Variants in SYN1 observed in about 807,000 individuals in gnomAD.
SYN1 encodes synapsin-1.
In SYN1, 8 loss-of-function variants were observed where a neutral mutation model predicts 44.6. The ratio of observed to expected loss-of-function variants is 0.18; its 90% CI spans 0.11 to 0.32. The LOEUF is 0.32. Among genes scored for constraint, SYN1 ranks in the 10% least tolerant of loss-of-function variants. SYN1 has a pLI of 1.00. For synonymous variants in SYN1, 275 were observed against 280.1 expected, an observed-to-expected ratio of 0.98 and a Z score of 0.18; for missense variants, 451 against 639.4, an observed-to-expected ratio of 0.71 and a Z score of 3.18.
At chrX:47,615,021 A>G (rs2057927440) in intron 1 of SYN1, among the ~76,000 whole-genome samples, 1 of 110,829 alleles carries the variant, frequency 9.0e-6, no homozygotes, top group Non-Finnish European at 1.9e-5. Flanking sequence ...TCTGCATGCA[A>G]ATCTCAGAGT....
chrX:47,584,209 A>G (rs1209767476), intron 5 of SYN1, among the ~76,000 whole-genome samples: 1 of 110,904 alleles, frequency 9.0e-6, no homozygotes, highest in Non-Finnish European at 1.9e-5. Context: ...ATGATCAGGT[A>G]TTGAGGATGA....
At chrX:47,609,895 C>T (rs763034066) in intron 1 of SYN1, among the ~76,000 whole-genome samples, 7 of 111,276 alleles carry the variant, frequency 6.3e-5, no homozygotes, top group East Asian at 2.8e-4. Context: ...TTTGGAGTAG[C>T]GGTGACTTTT....
At chrX:47,618,908 A>G (rs1452248650) in intron 1 of SYN1, among the ~76,000 whole-genome samples, 1 of 111,684 alleles carries the variant, frequency 9.0e-6, no homozygotes, top group African/African-American at 3.3e-5. Context: ...CTCTCAAAGA[A>G]TGCTCACAAA....
chrX:47,575,689 A>G lies in SYN1; in HGVS notation c.1159-415T>C, dbSNP rs751468585. ...ACATATCGTCTATGGCTGCTTTTGC[A>G]GAGTTGAGTAGTTACGGCAGAGGCT... On this transcript the variant is annotated intron_variant, in intron 9 of 12. Coordinates refer to ENST00000295987, the MANE Select transcript of SYN1 (RefSeq NM_006950.3). Among the ~76,000 whole-genome samples, 5 of 112,325 alleles carry G rather than the reference A, an allele frequency of 4.5e-5. No individual in the cohort carries two copies. The East Asian group carries it at 1.4e-3, about 31-fold the overall frequency.
Position 47,572,753 on chromosome X carries a change from G to A in SYN1, c.*111C>T, listed in dbSNP as rs142521876. ...CTTGAGGAATGAGAGGTGGAATCTT[G>A]GAGAACCGGGAGATGGGTTCTCAAG... On this transcript the variant is annotated 3_prime_UTR_variant, in exon 13 of 13. Transcript: ENST00000295987. 2.5e-3 allele frequency: 2,705 copies of A among 1,080,287 alleles called. 11 individuals are homozygous for A. Among genetic ancestry groups the A allele is most frequent in the Non-Finnish European group, 3.1e-3 (2,465 of 786,280 alleles). The allele number at this position is 1,080,287 out of a possible 1,213,427, so 89.0% of individuals were successfully genotyped here.
intron 5 of SYN1, among the ~76,000 whole-genome samples, chrX:47,581,829 G>C (rs948757704): frequency 9.0e-6 from 1 of 111,527 alleles, no homozygotes; most frequent in African/African-American, 3.3e-5. Context: ...GGCCACCTGA[G>C]TTCCAGTCTC....
intron 2 of SYN1, 50 bp downstream of exon 2, chrX:47,607,091 C>G: frequency 5.8e-6 from 7 of 1,205,810 alleles, no homozygotes; most frequent in Non-Finnish European, 7.9e-6. Context: ...AATGGCCACT[C>G]AGTTTGCAGT....
Position 47,572,594 on chromosome X carries a change from G to A in SYN1, c.*270C>T, listed in dbSNP as rs780001099. On this transcript the variant is annotated 3_prime_UTR_variant, in exon 13 of 13. Coordinates refer to ENST00000295987, the MANE Select transcript of SYN1 (RefSeq NM_006950.3). Reference sequence around the variant, plus strand: ...GGAAACCAGGGGCGGAGGTCTTCAGGAATGTGGAGGTTCTAAAACAGAAGT... The same window carrying A: ...GGAAACCAGGGGCGGAGGTCTTCAGAAATGTGGAGGTTCTAAAACAGAAGT... 3.0e-6 allele frequency: 1 copy of A among 331,800 alleles called. No individual in the cohort carries two copies. Among genetic ancestry groups the A allele is most frequent in the Non-Finnish European group, 5.3e-6 (1 of 187,882 alleles). 27.3% of individuals were successfully genotyped at this position (331,800 alleles called of 1,213,427 possible).
At chrX:47,608,251 G>T in intron 1 of SYN1, among the ~76,000 whole-genome samples, 1 of 6,519 alleles carries the variant, frequency 1.5e-4, no homozygotes, top group Non-Finnish European at 3.2e-4. Flanking sequence ...AGGAAGGAAG[G>T]AAGGAAGGAA....
chrX:47,584,818 C>A (rs2057815675), intron 5 of SYN1: 31 of 556,714 alleles, frequency 5.6e-5, no homozygotes, highest in South Asian at 1.3e-4. Flanking sequence ...TGCTGTCTGG[C>A]ATCCAATAAC....
intron 1 of SYN1, among the ~76,000 whole-genome samples, chrX:47,614,611 G>A (rs760422130): frequency 1.8e-5 from 2 of 111,724 alleles, no homozygotes; most frequent in African/African-American, 6.5e-5. Context: ...GAAGTGGATC[G>A]GAGCAGTGCA....
At chrX:47,618,591 C>T (rs1040406417) in intron 1 of SYN1, among the ~76,000 whole-genome samples, 1 of 110,686 alleles carries the variant, frequency 9.0e-6, no homozygotes, top group East Asian at 2.8e-4. Context: ...TTTGGGGGTG[C>T]GGCACGTATC....
chrX:47,618,745 T>C (rs779186848), intron 1 of SYN1, among the ~76,000 whole-genome samples: 42 of 111,274 alleles, frequency 3.8e-4, no homozygotes, highest in Admixed American at 6.6e-4. Context: ...TGGGGTGGGA[T>C]ACACAGCAGG....
At position 47,577,443 on chromosome X, in the gene SYN1, C is replaced by A. The variant is rs1447634605; in HGVS notation, c.833G>T (p.Gly278Val). ...VKMGHAHSGM[G>V]KVKVDNQHDF... is the part of the protein sequence containing the mutation. ...ACAGCCCAGCCAGAGACTCACCTTG[C>A]CCATCCCAGAGTGTGCGTGCCCCAT... The change falls in exon 6 of 13, where the codon GGC becomes GTC. Residue 278 changes from glycine (G) to valine (V), a missense_variant. Transcript: ENST00000295987. 1 of 1,206,897 alleles carries A rather than the reference C, an allele frequency of 8.3e-7. No homozygotes were observed. The highest frequency in any genetic ancestry group is 1.1e-6 in the Non-Finnish European group (1 of 893,105).
intron 5 of SYN1, chrX:47,582,515 G>A: frequency 3.0e-6 from 1 of 335,041 alleles, no homozygotes; most frequent in Admixed American, 3.1e-5. Flanking sequence ...ACCGGAGCTG[G>A]GCTGCAGCTT....
At chrX:47,602,377 A>T (rs2057882301) in intron 5 of SYN1, among the ~76,000 whole-genome samples, 1 of 112,242 alleles carries the variant, frequency 8.9e-6, no homozygotes, top group Non-Finnish European at 1.9e-5. Flanking sequence ...CTAATGATTC[A>T]AGCCGGGCAT....
intron 5 of SYN1, among the ~76,000 whole-genome samples, chrX:47,591,887 C>T (rs2057849239): frequency 1.8e-5 from 2 of 111,695 alleles, no homozygotes; most frequent in South Asian, 7.4e-4. Flanking sequence ...AAAAACGAAA[C>T]TTTACTAAAA....
chrX:47,606,760 T>A (rs1207944422), intron 3 of SYN1, among the ~76,000 whole-genome samples, 185 bp downstream of exon 3: 2 of 105,179 alleles, frequency 1.9e-5, no homozygotes, highest in African/African-American at 3.5e-5. Context: ...TATTTTTTTT[T>A]AAAGTCTGAC....
chrX:47,584,889 T>C (rs757641268), intron 5 of SYN1: 3 of 1,063,594 alleles, frequency 2.8e-6, no homozygotes, highest in Non-Finnish European at 3.9e-6. Context: ...CTTATTTTTA[T>C]TGGCTCATGC....
Sources: allele counts gnomAD v4.1 joint callset (sites outside exome capture counted in the v4.1 genomes callset), GRCh38; gene constraint gnomAD v4.1.1; transcripts MANE v1.5; gene names NCBI Gene and HGNC (gene_info 2026-07-23, HGNC 2026-07-21).